The following GRIK5 variants were observed in gnomAD, a reference collection of about 807,000 sequenced individuals.
The protein encoded by GRIK5 is glutamate receptor ionotropic, kainate 5.
GRIK5 carries 43 observed loss-of-function variants against 97.4 expected under a neutral mutation model. The ratio of observed to expected loss-of-function variants is 0.44; its 90% CI spans 0.35 to 0.57. The LOEUF (loss-of-function observed/expected upper bound fraction) is 0.57. Among genes scored for constraint, GRIK5 ranks in the 20% least tolerant of loss-of-function variants. The pLI, the probability that GRIK5 is intolerant of heterozygous loss-of-function variation, is 0.01. For synonymous variants in GRIK5, 580 were observed against 583.5 expected, an observed-to-expected ratio of 0.99 and a Z score of 0.09; for missense variants, 1,015 against 1,382.0, an observed-to-expected ratio of 0.73 and a Z score of 4.21.
intron 15 of GRIK5, among the ~76,000 whole-genome samples, chr19:42,010,475 C>T (rs1257942089): frequency 1.3e-5 from 2 of 152,292 alleles, no homozygotes; most frequent in Admixed American, 6.5e-5. Flanking sequence ...CAGTGCCAGT[C>T]GACTTCTTGT....
Position 42,022,725 on chromosome 19 carries a change from G to A in GRIK5, c.1474-371C>T, listed in dbSNP as rs913289075. On this transcript the variant is annotated intron_variant, in intron 12 of 19. Transcript: ENST00000593562. The surrounding 1 kb of genome is among the most constrained non-coding windows in gnomAD (Gnocchi z 4.2). ...GAAGGGGCTGAGACTGACAGCACTCGAGATAATACAGGCCCGGACAGAACA... is the reference window on the plus strand; with the variant it reads ...GAAGGGGCTGAGACTGACAGCACTCAAGATAATACAGGCCCGGACAGAACA... 45 of 904,448 alleles carry A rather than the reference G, an allele frequency of 5.0e-5. No individual in the cohort carries two copies. Among genetic ancestry groups the A allele is most frequent in the South Asian group, 1.0e-4 (2 of 19,712 alleles). The allele number at this position is 904,448 out of a possible 1,614,324, so 56.0% of individuals were successfully genotyped here. A position where few individuals can be genotyped will look rare whatever the true frequency, so the allele number is the denominator to read the frequency against.
Position 42,065,311 on chromosome 19 carries a change from G to A in GRIK5, c.156C>T (p.Asn52=), listed in dbSNP as rs141226209. Residue 52 remains asparagine (N), a synonymous_variant, in exon 3 of 20, where the codon AAC becomes AAT. Coordinates refer to ENST00000593562, the MANE Select transcript of GRIK5 (RefSeq NM_002088.5). The surrounding 1 kb of genome is among the most constrained non-coding windows in gnomAD (Gnocchi z 5.8). ...CCTTGGCTGGGACCTCGATGATCCC[G>A]TTGATCTGCTCCCGGGCCAAGGCCA... The part of the protein sequence containing the change: ...LALALAREQI[N]GIIEVPAKAR... 4.1e-5 allele frequency: 66 copies of A among 1,612,662 alleles called. No homozygotes were observed. The highest frequency in any genetic ancestry group is 5.5e-5 in the South Asian group (5 of 91,044).
At chr19:42,066,413 A>G (rs555331959) in intron 1 of GRIK5, among the ~76,000 whole-genome samples, 6 of 151,762 alleles carry the variant, frequency 4.0e-5, no homozygotes, top group African/African-American at 1.5e-4. Context: ...AGATGGAGAA[A>G]AAGAGAGAGA....
chr19:42,039,304 C>G (rs1257493394), intron 12 of GRIK5, among the ~76,000 whole-genome samples: 1 of 152,158 alleles, frequency 6.6e-6, no homozygotes, highest in Non-Finnish European at 1.5e-5. Flanking sequence ...CGAAACCCAT[C>G]TCTACTAAAA....
At position 42,021,808 on chromosome 19, in the gene GRIK5, G is replaced by A; in HGVS notation, c.1697+139C>T. The stretch of plus-strand genomic sequence containing the variant: ...AGACTCAGACACAGGGCACAAAACT[G>A]AGAAAGGAGGGCACAGGGAATCCGA... On this transcript the variant is annotated intron_variant, in intron 14 of 19. Transcript: ENST00000593562. The surrounding 1 kb of genome is among the most constrained non-coding windows in gnomAD (Gnocchi z 4.2). 4.7e-6 allele frequency: 3 copies of A among 634,854 alleles called. No individual in the cohort carries two copies. The South Asian group carries it at 5.9e-5, about 12-fold the overall frequency. The allele number at this position is 634,854 out of a possible 1,614,324, so 39.3% of individuals were successfully genotyped here.
At chr19:42,064,242 C>T (rs1384123777) in intron 3 of GRIK5, among the ~76,000 whole-genome samples, 1 of 152,188 alleles carries the variant, frequency 6.6e-6, no homozygotes, top group African/African-American at 2.4e-5. Flanking sequence ...TCAATGGCTT[C>T]CCAGTGCCTG....
intron 11 of GRIK5, among the ~76,000 whole-genome samples, chr19:42,050,894 A>G (rs1161299090): frequency 6.6e-6 from 1 of 151,930 alleles, no homozygotes; most frequent in Admixed American, 6.6e-5. Context: ...GGAGGGAGGG[A>G]GGTGCTCTCA....
At chr19:42,047,220 G>A (rs2076053791) in intron 11 of GRIK5, among the ~76,000 whole-genome samples, 1 of 151,792 alleles carries the variant, frequency 6.6e-6, no homozygotes, top group Non-Finnish European at 1.5e-5. Context: ...TTTTAAAATT[G>A]AAGTATGATA....
chr19:42,066,921 C>T (rs1202894577), intron 1 of GRIK5, among the ~76,000 whole-genome samples: 1 of 152,072 alleles, frequency 6.6e-6, no homozygotes, highest in African/African-American at 2.4e-5. Flanking sequence ...GGGTGCCATA[C>T]CACTGCCCCC....
chr19:42,002,371 A>C lies in GRIK5; in HGVS notation c.2514+961T>G, dbSNP rs2075433075. 4.2e-6 allele frequency: 3 copies of C among 717,626 alleles called. No individual in the cohort carries two copies. Among genetic ancestry groups the C allele is most frequent in the Non-Finnish European group, 7.8e-6 (3 of 385,098 alleles). 44.5% of individuals were successfully genotyped at this position (717,626 alleles called of 1,614,324 possible). ...TACGTTGGTGGCCTGAATCCAATAA[A>C]GAGAGGACAACTGATGCTGCAGGAG... On this transcript the variant is annotated intron_variant, in intron 19 of 19. Transcript: ENST00000593562. The surrounding 1 kb of genome is among the most constrained non-coding windows in gnomAD (Gnocchi z 5.2).
At position 42,003,209 on chromosome 19, in the gene GRIK5, T is replaced by A; in HGVS notation, c.2514+123A>T. On this transcript the variant is annotated intron_variant, in intron 19 of 19. Coordinates refer to ENST00000593562, the MANE Select transcript of GRIK5 (RefSeq NM_002088.5). This position sits in a 1 kb window ranked among gnomAD's most constrained non-coding sequence, Gnocchi z 4.2. Reference sequence around the variant, plus strand: ...TCTCTTACTTCCCCACCTCCTGCATTCCTCTGCCCCCTTCTCGCGATCCCC... The same window carrying A: ...TCTCTTACTTCCCCACCTCCTGCATACCTCTGCCCCCTTCTCGCGATCCCC... 2 of 837,038 alleles carry A rather than the reference T, an allele frequency of 2.4e-6. No homozygotes were observed. Among genetic ancestry groups the A allele is most frequent in the Non-Finnish European group, 3.8e-6 (2 of 525,464 alleles). The allele number at this position is 837,038 out of a possible 1,614,324, so 51.9% of individuals were successfully genotyped here.
At chr19:42,033,391 G>A (rs1286230208) in intron 12 of GRIK5, among the ~76,000 whole-genome samples, 1 of 151,550 alleles carries the variant, frequency 6.6e-6, no homozygotes, top group Non-Finnish European at 1.5e-5. Context: ...TGAAAAGTTG[G>A]AAACATCATG....
rs780934746 is a variant in GRIK5, at chr19:42,062,721, C to T, written c.342+37G>A. On this transcript the variant is annotated intron_variant, in intron 4 of 19. Transcript: ENST00000593562. The surrounding 1 kb of genome is among the most constrained non-coding windows in gnomAD (Gnocchi z 5.3). ...CCAGCCCTCGCCTCCCAGGGACCCG[C>T]TCCCCACAAAGCGCCGGCCCACACT... The T allele has an allele frequency of 6.2e-7, 1 of 1,612,598 alleles. No individual in the cohort carries two copies. Among genetic ancestry groups the T allele is most frequent in the Non-Finnish European group, 8.5e-7 (1 of 1,178,598 alleles).
intron 8 of GRIK5, 107 bp downstream of exon 8, chr19:42,056,555 G>A (rs1475011835): frequency 1.1e-6 from 1 of 941,260 alleles, no homozygotes; most frequent in Non-Finnish European, 1.6e-6. Flanking sequence ...CGAGGCCTCA[G>A]GGAGGGCGAG....
chr19:42,004,907 G>A (rs1555871986), intron 17 of GRIK5, among the ~76,000 whole-genome samples: 1 of 152,140 alleles, frequency 6.6e-6, no homozygotes, highest in African/African-American at 2.4e-5. Context: ...AAACCACAGT[G>A]GCCAGCCGGA....
rs2075499314 is a variant in GRIK5 at position 42,006,942 on chromosome 19, A to C, written c.1872-132T>G. On this transcript the variant is annotated intron_variant, in intron 15 of 19. Transcript: ENST00000593562. This position sits in a 1 kb window ranked among gnomAD's most constrained non-coding sequence, Gnocchi z 5.3. The stretch of plus-strand genomic sequence containing the variant: ...GGAAGACTCAGTGACTGCTGGGTGC[A>C]GAAGCGGGGAGTGTGGATTCTGAAG... 6 of 623,488 alleles carry C rather than the reference A, an allele frequency of 9.6e-6. No individual in the cohort carries two copies. Among genetic ancestry groups the C allele is most frequent in the Non-Finnish European group, 1.6e-5 (6 of 364,446 alleles). The allele number at this position is 623,488 out of a possible 1,614,324, so 38.6% of individuals were successfully genotyped here. A position where few individuals can be genotyped will look rare whatever the true frequency, so the allele number is the denominator to read the frequency against.
chr19:42,035,573 G>T (rs1421104251), intron 12 of GRIK5, among the ~76,000 whole-genome samples: 1 of 152,042 alleles, frequency 6.6e-6, no homozygotes, highest in Non-Finnish European at 1.5e-5. Flanking sequence ...AGCCTGGCAT[G>T]GTGGTGGGCG....
Position 42,053,713 on chromosome 19 carries a change from G to C in GRIK5, c.1162-4C>G. ...GGTTAGAGTACCACACCCCAATCTA[G>C]GGGGCAGAGAGGGTGCTGTCAGCTC... On this transcript the variant is annotated splice_region_variant and splice_polypyrimidine_tract_variant and intron_variant, in intron 10 of 19. Transcript: ENST00000593562. The C allele has an allele frequency of 1.9e-6, 3 of 1,596,082 alleles. No individual in the cohort carries two copies. The highest frequency in any genetic ancestry group is 1.7e-6 in the Non-Finnish European group (2 of 1,163,510).
chr19:42,065,386 A>G lies in GRIK5; in HGVS notation c.81T>C (p.Ala27=). Residue 27 remains alanine (A), a splice_region_variant and synonymous_variant, in exon 3 of 20, where the codon GCT becomes GCC. Coordinates refer to ENST00000593562, the MANE Select transcript of GRIK5 (RefSeq NM_002088.5). The surrounding 1 kb of genome is among the most constrained non-coding windows in gnomAD (Gnocchi z 5.8). ...ACACTGTCTGATCATCCAGGATTGC[A>G]GCTGAGGGGACACATGGGTTGGGGA... The part of the protein sequence containing the change: ...SCQVLSSLRM[A]AILDDQTVCG... 6.3e-7 allele frequency: 1 copy of G among 1,580,238 alleles called. No homozygotes were observed. The highest frequency in any genetic ancestry group is 8.6e-7 in the Non-Finnish European group (1 of 1,160,674).
Sources: gnomAD v4.1 joint callset for allele counts (sites outside exome capture counted in the v4.1 genomes callset) on GRCh38, gnomAD v4.1.1 for gene constraint, Gnocchi (gnomAD v3.1) non-coding constraint, MANE v1.5 for transcripts, NCBI Gene and HGNC (gene_info 2026-07-23, HGNC 2026-07-21) for gene names.